CLEC2A: variants seen among roughly 807,000 people sequenced by gnomAD.
CLEC2A encodes the protein keratinocyte-associated C-type lectin.
In CLEC2A, 19 loss-of-function variants were observed where a neutral mutation model predicts 18.6. The ratio of observed to expected loss-of-function variants is 1.02; its 90% CI spans 0.71 to 1.50. The LOEUF (loss-of-function observed/expected upper bound fraction) is 1.50. Ranked by LOEUF, CLEC2A falls within the 40% of genes most tolerant of loss-of-function variation. The pLI, the probability that CLEC2A is intolerant of heterozygous loss-of-function variation, is 0.00. For synonymous variants in CLEC2A, 74 were observed against 64.0 expected, an observed-to-expected ratio of 1.16 and a Z score of -0.75; for missense variants, 190 against 207.9, an observed-to-expected ratio of 0.91 and a Z score of 0.53.
chr12:9,885,324 A>G, the CLEC2A span, among the ~76,000 whole-genome samples: 1 of 86,356 alleles, frequency 1.2e-5, no homozygotes, highest in East Asian at 3.4e-4. Context: ...TTGTGAGATC[A>G]TTATTTAAGT....
chr12:9,885,037 G>A, the CLEC2A span: 1 of 1,148,492 alleles, frequency 8.7e-7, no homozygotes, highest in Non-Finnish European at 1.1e-6. Flanking sequence ...TCTGGCGTGA[G>A]TAGTAAATTT....
chr12:9,886,616 AC>A, the CLEC2A span, among the ~76,000 whole-genome samples: 280 of 152,298 alleles, frequency 1.8e-3, no homozygotes, highest in African/African-American at 6.5e-3. Context: ...AATGCTTATT[AC>A]CAATTAAATT....
chr12:9,882,582 A>C, the CLEC2A span, among the ~76,000 whole-genome samples: 1 of 152,158 alleles, frequency 6.6e-6, no homozygotes, highest in Non-Finnish European at 1.5e-5. Flanking sequence ...ATTCGAGACC[A>C]GCCTGGCCAA....
downstream of CLEC2A, among the ~76,000 whole-genome samples, chr12:9,897,279 T>A (rs2137008765): frequency 6.6e-6 from 1 of 152,246 alleles, no homozygotes; most frequent in East Asian, 1.9e-4. Flanking sequence ...TCAGCAGCAA[T>A]TTCCCATTTC....
At chr12:9,899,427 C>G (rs901499469) in intron 4 of CLEC2A, among the ~76,000 whole-genome samples, 7 of 152,128 alleles carry the variant, frequency 4.6e-5, no homozygotes, top group Non-Finnish European at 8.8e-5. Flanking sequence ...AAAGGAGTCC[C>G]AGGGGTCCAG....
intron 4 of CLEC2A, among the ~76,000 whole-genome samples, chr12:9,914,224 CT>C (rs36104860): frequency 0.076 from 11,548 of 151,940 alleles, 500 homozygotes; most frequent in African/African-American, 0.098. Flanking sequence ...TGCTTATAGT[CT>C]TTTTTTTACA....
At chr12:9,882,116 A>C in the CLEC2A span, among the ~76,000 whole-genome samples, 1 of 152,174 alleles carries the variant, frequency 6.6e-6, no homozygotes, top group African/African-American at 2.4e-5. Context: ...GAGAAAAAAA[A>C]ACAAAAAAAC....
rs141890558 is a variant in CLEC2A, at chr12:9,920,734, A to T, written c.306+1332T>A. Among the ~76,000 whole-genome samples, 162 of 152,170 alleles carry T rather than the reference A, an allele frequency of 1.1e-3. 1 individual carries two copies. The highest frequency in any genetic ancestry group is 3.4e-3 in the Middle Eastern group (1 of 294). On this transcript the variant is annotated intron_variant, in intron 3 of 4. Coordinates refer to ENST00000455827, the MANE Select transcript of CLEC2A (RefSeq NM_001130711.2). Reference sequence around the variant, plus strand: ...TCCAACCCCCAGCTTTTCTTTAAAAACTAATCTATTTTCTTACTCTGTGTC... The same window carrying T: ...TCCAACCCCCAGCTTTTCTTTAAAATCTAATCTATTTTCTTACTCTGTGTC...
chr12:9,881,428 T>TAAAA, the CLEC2A span: 6 of 554,780 alleles, frequency 1.1e-5, no homozygotes, highest in African/African-American at 1.9e-5. Flanking sequence ...TACCAACACA[T>TAAAA]CCTGTGTGGT....
intron 3 of CLEC2A, among the ~76,000 whole-genome samples, chr12:9,920,460 A>G (rs1035313885): frequency 6.6e-6 from 1 of 152,208 alleles, no homozygotes; most frequent in Non-Finnish European, 1.5e-5. Flanking sequence ...CATGGGTTCC[A>G]GGGGTTGCAC....
At position 9,913,543 on chromosome 12, in the gene CLEC2A, A is replaced by G. The variant is rs112000446; in HGVS notation, c.*23T>C. On this transcript the variant is annotated 3_prime_UTR_variant, in exon 5 of 5. Coordinates refer to ENST00000455827, the MANE Select transcript of CLEC2A (RefSeq NM_001130711.2). The stretch of plus-strand genomic sequence containing the variant: ...CTTCTTTCAATCTTGAAGTGTGATA[A>G]TCATTTTCAAGTTTTTTCTGCTCTA... 390 of 1,534,768 alleles carry G rather than the reference A, an allele frequency of 2.5e-4. No homozygotes were observed. In the African/African-American group the frequency reaches 5.0e-3, roughly 20 times the overall value.
chr12:9,921,756 ATGT>A (rs1285273578), intron 3 of CLEC2A, among the ~76,000 whole-genome samples: 4 of 152,212 alleles, frequency 2.6e-5, no homozygotes, highest in Non-Finnish European at 5.9e-5. Flanking sequence ...AGAAAAGAAG[ATGT>A]TATTAAGAAA....
the CLEC2A span, among the ~76,000 whole-genome samples, chr12:9,879,867 G>T: frequency 1.3e-5 from 2 of 152,192 alleles, no homozygotes; most frequent in Non-Finnish European, 2.9e-5. Flanking sequence ...TTGGAGGCAA[G>T]GCCTGAACAG....
chr12:9,880,612 C>T, the CLEC2A span, among the ~76,000 whole-genome samples: 3 of 151,938 alleles, frequency 2.0e-5, no homozygotes, highest in South Asian at 4.2e-4. Flanking sequence ...CAAAATTCTG[C>T]AAATGAGCAT....
At chr12:9,906,146 T>A (rs1862905880) in intron 4 of CLEC2A, among the ~76,000 whole-genome samples, 1 of 152,120 alleles carries the variant, frequency 6.6e-6, no homozygotes, top group South Asian at 2.1e-4. Context: ...GGCCCCTTGA[T>A]GCAGCTGAGA....
intron 4 of CLEC2A, among the ~76,000 whole-genome samples, chr12:9,903,713 T>C (rs1278410385): frequency 6.6e-6 from 1 of 152,222 alleles, no homozygotes; most frequent in Non-Finnish European, 1.5e-5. Context: ...TAACAAATTG[T>C]TGCTGGTTGT....
the CLEC2A span, among the ~76,000 whole-genome samples, chr12:9,884,371 A>G: frequency 6.6e-6 from 1 of 151,850 alleles, no homozygotes; most frequent in African/African-American, 2.4e-5. Flanking sequence ...AGAAAAATAT[A>G]ATATATTACA....
chr12:9,926,341 G>T lies in CLEC2A; in HGVS notation c.58C>A (p.Pro20Thr). The change falls in exon 2 of 5, where the codon CCC (proline) becomes ACC (threonine). Residue 20 changes from proline to threonine, a missense_variant and splice_region_variant. Pro to Thr is a conservative substitution (Grantham distance 38). Transcript: ENST00000455827. ...RADGFIHRIV[P>T]KLIQNWKIGL... Reference sequence around the variant, plus strand: ...ATCTTCCAGTTTTGTATCAACTTGGGAACTGCAAATTAAATCAACACATAT... The same window carrying T: ...ATCTTCCAGTTTTGTATCAACTTGGTAACTGCAAATTAAATCAACACATAT... 6.5e-7 allele frequency: 1 copy of T among 1,540,526 alleles called. No homozygotes were observed. Among genetic ancestry groups the T allele is most frequent in the Non-Finnish European group, 8.8e-7 (1 of 1,137,510 alleles).
At chr12:9,910,380 C>T (rs990343238), downstream of CLEC2A, among the ~76,000 whole-genome samples, 2 of 152,098 alleles carry the variant, frequency 1.3e-5, no homozygotes, top group African/African-American at 4.8e-5. Flanking sequence ...CTGGAGTTTT[C>T]AACCTCCCCT....
Sources: gnomAD v4.1 joint callset for allele counts (sites outside exome capture counted in the v4.1 genomes callset) on GRCh38, gnomAD v4.1.1 for gene constraint, MANE v1.5 for transcripts, NCBI Gene and HGNC (gene_info 2026-07-23, HGNC 2026-07-21) for gene names.